FOXN3: variants seen among roughly 807,000 people sequenced by gnomAD.
The protein encoded by FOXN3 is forkhead box protein N3.
FOXN3 carries 7 observed loss-of-function variants against 38.4 expected under a neutral mutation model. The ratio of observed to expected loss-of-function variants is 0.18; its 90% CI spans 0.10 to 0.34. The LOEUF (loss-of-function observed/expected upper bound fraction) is 0.34. Ranked by LOEUF, FOXN3 falls within the 10% of genes least tolerant of loss-of-function variation. The probability of loss-of-function intolerance (pLI) is 1.00; values close to 1 mark genes in which losing one functional copy is unlikely to be tolerated. For synonymous variants in FOXN3, 230 were observed against 242.2 expected (o/e 0.95, Z 0.47); for missense variants, 456 against 613.4 (o/e 0.74, Z 2.71).
intron 3 of FOXN3, among the ~76,000 whole-genome samples, chr14:89,316,407 T>C (rs1050825683): frequency 3.9e-5 from 6 of 152,138 alleles, no homozygotes; most frequent in Admixed American, 6.6e-5. Flanking sequence ...TCTCACTCTG[T>C]CACCAAGGCT....
intron 1 of FOXN3, among the ~76,000 whole-genome samples, chr14:89,511,781 G>T (rs1283453148): frequency 6.6e-6 from 1 of 152,122 alleles, no homozygotes; most frequent in Non-Finnish European, 1.5e-5. Flanking sequence ...TGCAGGGCTG[G>T]GGAGGCCTCA....
At position 89,489,429 on chromosome 14, in the gene FOXN3, A is replaced by G. The variant is rs953672783; in HGVS notation, c.-14-76939T>C. Among the ~76,000 whole-genome samples, 6 of 152,236 alleles carry G rather than the reference A, an allele frequency of 3.9e-5. No homozygotes were observed. In the East Asian group the frequency reaches 1.2e-3, roughly 29 times the overall value. Reference sequence around the variant, plus strand: ...GATGCCCTTGAGATTCTCCTTTTAAATATTTGCAGATACAGCAGTTCTGAG... The same window carrying G: ...GATGCCCTTGAGATTCTCCTTTTAAGTATTTGCAGATACAGCAGTTCTGAG... On this transcript the variant is annotated intron_variant, in intron 1 of 6. Transcript: ENST00000345097.
intron 4 of FOXN3, among the ~76,000 whole-genome samples, chr14:89,192,853 T>C (rs1271237407): frequency 6.7e-6 from 1 of 150,016 alleles, no homozygotes; most frequent in Non-Finnish European, 1.5e-5. Flanking sequence ...ACCATTCAGC[T>C]AAAAAACTAA....
At chr14:89,463,276 A>G (rs1892894108) in intron 1 of FOXN3, among the ~76,000 whole-genome samples, 1 of 151,038 alleles carries the variant, frequency 6.6e-6, no homozygotes, top group African/African-American at 2.4e-5. Flanking sequence ...TCTGTCTCAA[A>G]AAAAAAAGCC....
chr14:89,431,512 G>A (rs946835708), intron 1 of FOXN3, among the ~76,000 whole-genome samples: 1 of 151,948 alleles, frequency 6.6e-6, no homozygotes, highest in South Asian at 2.1e-4. Flanking sequence ...CGCCTGGCCA[G>A]CATGTTTTTT....
At position 89,507,122 on chromosome 14, in the gene FOXN3, TAAAAAAAAAAAGA is replaced by T. The variant is rs1368026041; in HGVS notation, c.-14-94645_-14-94633del. Among the ~76,000 whole-genome samples the T allele has an allele frequency of 9.7e-5, 12 of 124,268 alleles. No individual in the cohort carries two copies. In the East Asian group the frequency reaches 9.7e-4, roughly 10 times the overall value. The allele number at this position is 124,268 out of a possible 152,430, so 81.5% of individuals were successfully genotyped here. A position where few individuals can be genotyped will look rare whatever the true frequency, so the allele number is the denominator to read the frequency against. On this transcript the variant is annotated intron_variant, in intron 1 of 6. Coordinates refer to the FOXN3 transcript ENST00000345097. ...GCGAGAAACACCCAAGAATGATCAATAAAAAAAAAAAGAAAAAAAAAAAAAGAAACACTGTCCC... is the reference window on the plus strand; with the variant it reads ...GCGAGAAACACCCAAGAATGATCAATAAAAAAAAAAAAGAAACACTGTCCC...
At chr14:89,310,033 C>A (rs1555416854) in intron 3 of FOXN3, among the ~76,000 whole-genome samples, 1 of 152,212 alleles carries the variant, frequency 6.6e-6, no homozygotes, top group Non-Finnish European at 1.5e-5. Context: ...GGGACAGTGA[C>A]CAATGCTCCT....
At chr14:89,195,669 CA>C (rs1888080428) in intron 4 of FOXN3, among the ~76,000 whole-genome samples, 2 of 152,042 alleles carry the variant, frequency 1.3e-5, no homozygotes, top group African/African-American at 2.4e-5. Flanking sequence ...AGTTTATCAG[CA>C]AAAGAAAAGA....
intron 1 of FOXN3, among the ~76,000 whole-genome samples, chr14:89,571,191 G>A (rs17126065): frequency 1.3e-5 from 2 of 151,990 alleles, no homozygotes; most frequent in African/African-American, 2.4e-5. Flanking sequence ...AATTCCTAGA[G>A]GGAGAGAGAG....
At chr14:89,413,176 A>G (rs992504214) in intron 1 of FOXN3, among the ~76,000 whole-genome samples, 1 of 152,206 alleles carries the variant, frequency 6.6e-6, no homozygotes, top group Non-Finnish European at 1.5e-5. Flanking sequence ...GACACAAAGC[A>G]TGTTCAACCC....
At chr14:89,276,395 G>C (rs548695997) in intron 4 of FOXN3, among the ~76,000 whole-genome samples, 6 of 152,324 alleles carry the variant, frequency 3.9e-5, no homozygotes, top group African/African-American at 1.4e-4. Flanking sequence ...AATAATTAGA[G>C]GCCCAATACT....
chr14:89,454,108 A>G (rs1892673309), intron 1 of FOXN3, among the ~76,000 whole-genome samples: 1 of 152,240 alleles, frequency 6.6e-6, no homozygotes, highest in Non-Finnish European at 1.5e-5. Context: ...GTTTGAGACC[A>G]GCCTGGCCAA....
At chr14:89,212,773 A>G (rs907272058) in intron 4 of FOXN3, among the ~76,000 whole-genome samples, 22 of 152,186 alleles carry the variant, frequency 1.4e-4, no homozygotes, top group Non-Finnish European at 2.8e-4. Context: ...CCACAGAACC[A>G]GGCACATCAT....
At chr14:89,346,314 G>A (rs76947059) in intron 3 of FOXN3, among the ~76,000 whole-genome samples, 2,575 of 152,198 alleles carry the variant, frequency 0.017, 39 homozygotes, top group Non-Finnish European at 0.028. Context: ...TTCCCCTAAT[G>A]TCCTTTTTCT....
At chr14:89,290,039 T>G (rs1006155005) in intron 3 of FOXN3, among the ~76,000 whole-genome samples, 1 of 152,196 alleles carries the variant, frequency 6.6e-6, no homozygotes, top group Non-Finnish European at 1.5e-5. Context: ...TGAAGAAATG[T>G]TAAGTACTTC....
intron 3 of FOXN3, among the ~76,000 whole-genome samples, chr14:89,321,235 G>A (rs921206605): frequency 3.9e-5 from 6 of 152,028 alleles, no homozygotes; most frequent in African/African-American, 1.2e-4. Flanking sequence ...AGGTTGCAGT[G>A]AGCAGAGATT....
intron 4 of FOXN3, among the ~76,000 whole-genome samples, chr14:89,266,927 G>A (rs1885997831): frequency 6.6e-6 from 1 of 152,094 alleles, no homozygotes; most frequent in Admixed American, 6.5e-5. Context: ...CAGTAATGAG[G>A]CTCATACCAA....
At chr14:89,555,874 TGTATGTGG>T (rs1312294837) in intron 1 of FOXN3, among the ~76,000 whole-genome samples, 22 of 115,996 alleles carry the variant, frequency 1.9e-4, no homozygotes, top group Admixed American at 2.2e-4. Flanking sequence ...TGTGTGTGTG[TGTATGTGG>T]GGGTGTATGT....
chr14:89,499,563 T>G (rs556321080), intron 1 of FOXN3, among the ~76,000 whole-genome samples: 27 of 152,314 alleles, frequency 1.8e-4, no homozygotes, highest in Non-Finnish European at 3.5e-4. Context: ...ACTTTATGCT[T>G]AATTTTAGTT....
Sources: gnomAD v4.1 joint callset for allele counts (sites outside exome capture counted in the v4.1 genomes callset) on GRCh38, gnomAD v4.1.1 for gene constraint, MANE v1.5 for transcripts, NCBI Gene and HGNC (gene_info 2026-07-23, HGNC 2026-07-21) for gene names.